The following SCIN variants were observed in gnomAD, a reference collection of about 807,000 sequenced individuals.
SCIN encodes the protein adseverin.
SCIN carries 91 observed loss-of-function variants against 91.8 expected under a neutral mutation model. The ratio of observed to expected loss-of-function variants is 0.99; its 90% CI spans 0.84 to 1.18. SCIN has a LOEUF of 1.18. Ranked by LOEUF, SCIN falls within the 50% of genes most tolerant of loss-of-function variation. The pLI is 0.00. For missense variants in SCIN, 1,087 were observed against 863.9 expected (o/e 1.26, Z -3.24); for synonymous variants, 367 against 312.6 (o/e 1.17, Z -1.84).
At chr7:12,586,983 T>G (rs368965976) in intron 3 of SCIN, among the ~76,000 whole-genome samples, 2 of 151,954 alleles carry the variant, frequency 1.3e-5, no homozygotes, top group South Asian at 2.1e-4. Flanking sequence ...ATTACAGCAA[T>G]ATAGGAGGAA....
At chr7:12,620,894 C>A (rs976597634) in intron 4 of SCIN, among the ~76,000 whole-genome samples, 1 of 152,078 alleles carries the variant, frequency 6.6e-6, no homozygotes, top group African/African-American at 2.4e-5. Context: ...TTGGCTAGAA[C>A]AACTGACGAA....
rs145090150 is a variant in SCIN, at chr7:12,582,089, C to T, written c.516+868C>T. 2.4e-3 allele frequency among the ~76,000 whole-genome samples: 370 copies of T among 152,268 alleles called. 10 individuals carry two copies. In the East Asian group the frequency reaches 0.058, roughly 24 times the overall value. ...AACATTTCTGGGCCAAACGTTGTAA[C>T]GGAGTCATGAGCTGACCTGCATTGC... On this transcript the variant is annotated intron_variant, in intron 3 of 15. Coordinates refer to ENST00000297029, the MANE Select transcript of SCIN (RefSeq NM_001112706.3).
chr7:12,576,434 A>G (rs1782374052), intron 1 of SCIN, among the ~76,000 whole-genome samples: 1 of 152,076 alleles, frequency 6.6e-6, no homozygotes, highest in African/African-American at 2.4e-5. Flanking sequence ...TAAGAGGGAA[A>G]TTGTAAGGAA....
chr7:12,571,199 G>A (rs1782263241), intron 1 of SCIN: 4 of 586,788 alleles, frequency 6.8e-6, no homozygotes, highest in Non-Finnish European at 1.2e-5. Context: ...GTCCGCAATT[G>A]ACTTACCTCG....
chr7:12,638,769 C>T (rs537039360), intron 10 of SCIN, among the ~76,000 whole-genome samples: 16 of 152,036 alleles, frequency 1.1e-4, no homozygotes, highest in Admixed American at 2.6e-4. Context: ...AATTTAAAGG[C>T]GCATGTTAAC....
At chr7:12,650,405 A>G (rs1046571972) in intron 14 of SCIN, among the ~76,000 whole-genome samples, 42 of 152,338 alleles carry the variant, frequency 2.8e-4, no homozygotes, top group Admixed American at 2.2e-3. Flanking sequence ...ATTCAGATAT[A>G]TATTTAATTT....
chr7:12,590,147 G>A (rs766033576), intron 3 of SCIN, among the ~76,000 whole-genome samples: 1 of 152,176 alleles, frequency 6.6e-6, no homozygotes. Context: ...ACCAAATGTA[G>A]GGATGATTTC....
rs746864505 is a variant in SCIN at position 12,644,597 on chromosome 7, T to C, written c.1773T>C (p.Asn591=). The C allele has an allele frequency of 3.1e-6, 5 of 1,611,600 alleles. No individual in the cohort carries two copies. Among genetic ancestry groups the C allele is most frequent in the East Asian group, 2.2e-5 (1 of 44,800 alleles). The change falls in exon 13 of 16, where the codon AAT becomes AAC. Residue 591 remains asparagine, a synonymous_variant. Transcript: ENST00000297029. ...QEGEEPEEFW[N]SLGGKKDYQT... ...TGTTTTCCACAGAGGAGTTCTGGAA[T>C]TCCCTTGGAGGGAAAAAAGACTACC...
intron 1 of SCIN, chr7:12,571,361 A>C: frequency 2.8e-6 from 1 of 351,738 alleles, no homozygotes; most frequent in Non-Finnish European, 5.4e-6. Flanking sequence ...TCACCTTCCG[A>C]CAAACTCAGT....
At chr7:12,646,120 T>A (rs1298750159) in intron 13 of SCIN, among the ~76,000 whole-genome samples, 2 of 152,208 alleles carry the variant, frequency 1.3e-5, no homozygotes, top group African/African-American at 2.4e-5. Context: ...TCAACAGGAA[T>A]GTTTTATTTC....
At chr7:12,571,757 G>A in intron 1 of SCIN, 1 of 236,438 alleles carries the variant, frequency 4.2e-6, no homozygotes, top group East Asian at 1.2e-4. Context: ...GAACAGAAAC[G>A]GCTCCTTCAG....
chr7:12,615,222 T>G (rs978240155), intron 4 of SCIN, among the ~76,000 whole-genome samples: 6 of 152,200 alleles, frequency 3.9e-5, no homozygotes, highest in Non-Finnish European at 8.8e-5. Context: ...ACAGTGTTTG[T>G]ACTCAGTGGA....
intron 3 of SCIN, among the ~76,000 whole-genome samples, chr7:12,592,007 A>T (rs1782734020): frequency 6.6e-6 from 1 of 152,150 alleles, no homozygotes; most frequent in Non-Finnish European, 1.5e-5. Flanking sequence ...ACTGGGAGAC[A>T]GGTTTAAGGA....
intron 10 of SCIN, among the ~76,000 whole-genome samples, chr7:12,637,599 G>C (rs1583316739): frequency 6.6e-6 from 1 of 151,812 alleles, no homozygotes; most frequent in East Asian, 1.9e-4. Context: ...GAGAAGAGAG[G>C]GAAATCATGG....
In SCIN at chr7:12,581,074, A is replaced by G; in HGVS notation, c.369A>G (p.Ala123=). The G allele has an allele frequency of 1.3e-6, 2 of 1,551,142 alleles. No individual in the cohort carries two copies. The highest frequency in any genetic ancestry group is 1.7e-6 in the Non-Finnish European group (2 of 1,146,622). The change falls in exon 3 of 16, where the codon GCA becomes GCG. Residue 123 remains alanine (A), a synonymous_variant. Coordinates refer to ENST00000297029, the MANE Select transcript of SCIN (RefSeq NM_001112706.3). Reference sequence around the variant, plus strand: ...TCATTCATCAGGCTGGAGGCGTGGCATCTGGATTAAATCATGTTCTTACGA... The same window carrying G: ...TCATTCATCAGGCTGGAGGCGTGGCGTCTGGATTAAATCATGTTCTTACGA... ...GGLKYKAGGV[A]SGLNHVLTND...
Position 12,570,910 on chromosome 7 carries a change from G to T in SCIN, c.124G>T (p.Val42Phe), listed in dbSNP as rs1179135048. ...CCAGAGCGCTCACGGCGACTTCTAC[G>T]TCGGGGATGCCTACCTGGTGCTGCA... ...VPQSAHGDFY[V>F]GDAYLVLHTA... Residue 42 changes from valine (V) to phenylalanine (F), a missense_variant, in exon 1 of 16, where the codon GTC becomes TTC. By Grantham distance (50) the Val-to-Phe change is conservative. Transcript: ENST00000297029. 2.6e-6 allele frequency: 4 copies of T among 1,551,610 alleles called. No homozygotes were observed. Among genetic ancestry groups the T allele is most frequent in the Non-Finnish European group, 3.5e-6 (4 of 1,146,974 alleles).
chr7:12,614,000 A>T (rs1238490537), intron 4 of SCIN, among the ~76,000 whole-genome samples: 2 of 152,228 alleles, frequency 1.3e-5, no homozygotes, highest in African/African-American at 2.4e-5. Flanking sequence ...GAGAAATTAA[A>T]TATTAATGGT....
At position 12,654,687 on chromosome 7, in the gene SCIN, C is replaced by T. The variant is rs143283886; in HGVS notation, c.*1972C>T. The T allele has an allele frequency of 6.7e-4, 102 of 152,240 alleles. No homozygotes were observed. Among genetic ancestry groups the T allele is most frequent in the African/African-American group, 2.5e-3 (102 of 41,552 alleles). 9.4% of individuals were successfully genotyped at this position (152,240 alleles called of 1,614,324 possible). A position where few individuals can be genotyped will look rare whatever the true frequency, so the allele number is the denominator to read the frequency against. ...GTACACTGTATTTTACGATGTTTCT[C>T]TAGTTTAGCCAGTGGTTTTTCTCAT... On this transcript the variant is annotated 3_prime_UTR_variant, in exon 16 of 16. Transcript: ENST00000297029.
intron 1 of SCIN, 111 bp downstream of exon 1, chr7:12,571,096 C>A: frequency 1.7e-6 from 2 of 1,186,986 alleles, no homozygotes; most frequent in African/African-American, 1.6e-5. Context: ...ACTGAGCTAG[C>A]CACTCGCGCC....
Sources: allele counts gnomAD v4.1 joint callset (sites outside exome capture counted in the v4.1 genomes callset), GRCh38; gene constraint gnomAD v4.1.1; transcripts MANE v1.5; gene names NCBI Gene and HGNC (gene_info 2026-07-23, HGNC 2026-07-21).